The following CMTM2 variants were observed in gnomAD, a reference collection of about 807,000 sequenced individuals.
CMTM2 encodes the protein CKLF-like MARVEL transmembrane domain-containing protein 2.
Under a neutral mutation model 16.8 loss-of-function variants are expected in CMTM2, and 15 were observed. The observed-to-expected ratio is 0.89, with a 90% CI of 0.60 to 1.37. The LOEUF (loss-of-function observed/expected upper bound fraction) is 1.37, where lower values mean the gene tolerates loss of function less well. CMTM2 is among the 40% of genes most tolerant of loss of function. The probability of loss-of-function intolerance (pLI) is 0.00; values close to 1 mark genes in which losing one functional copy is unlikely to be tolerated. For synonymous variants in CMTM2, 117 were observed against 118.7 expected, an observed-to-expected ratio of 0.99 and a Z score of 0.09; for missense variants, 282 against 318.0, an observed-to-expected ratio of 0.89 and a Z score of 0.86.
At chr16:66,583,163 T>A (rs2014753965) in intron 2 of CMTM2, among the ~76,000 whole-genome samples, 1 of 152,138 alleles carries the variant, frequency 6.6e-6, no homozygotes, top group Admixed American at 6.5e-5. Flanking sequence ...AAAGCAGTAG[T>A]GTTCCTGAAT....
chr16:66,582,149 G>A (rs565025134), intron 2 of CMTM2, among the ~76,000 whole-genome samples: 1 of 152,250 alleles, frequency 6.6e-6, no homozygotes, highest in Non-Finnish European at 1.5e-5. Context: ...TATTTTAAGG[G>A]ATTATAGACA....
Position 66,588,229 on chromosome 16 carries a change from C to T in CMTM2, c.*110C>T, listed in dbSNP as rs1300965383. On this transcript the variant is annotated 3_prime_UTR_variant, in exon 4 of 4. Coordinates refer to ENST00000268595, the MANE Select transcript of CMTM2 (RefSeq NM_144673.3). ...TGGTTTTCTTTTCCATTTTCATTAC[C>T]ACCTTTGCTTGGAAAAGAATGGATT... 5.2e-5 allele frequency: 51 copies of T among 983,588 alleles called. No individual in the cohort carries two copies. In the East Asian group the frequency reaches 1.3e-3, roughly 24 times the overall value. The allele number at this position is 983,588 out of a possible 1,614,324, so 60.9% of individuals were successfully genotyped here.
intron 2 of CMTM2, among the ~76,000 whole-genome samples, chr16:66,585,089 G>C (rs1597191884): frequency 4.6e-5 from 7 of 152,108 alleles, no homozygotes; most frequent in African/African-American, 1.7e-4. Context: ...TGGGATTACA[G>C]GCATGCACCC....
At chr16:66,587,865 C>G (rs1350807292) in intron 3 of CMTM2, 54 bp from the exon 4 acceptor site, 1 of 1,580,498 alleles carries the variant, frequency 6.3e-7, no homozygotes, top group Non-Finnish European at 8.7e-7. Context: ...AGGAGGGAAA[C>G]TCACCACCTT....
At position 66,588,241 on chromosome 16, in the gene CMTM2, G is replaced by A. The variant is rs1289085047; in HGVS notation, c.*122G>A. 1.3e-5 allele frequency: 11 copies of A among 878,440 alleles called. No homozygotes were observed. Among genetic ancestry groups the A allele is most frequent in the Non-Finnish European group, 1.9e-5 (11 of 576,330 alleles). The allele number at this position is 878,440 out of a possible 1,614,324, so 54.4% of individuals were successfully genotyped here. The stretch of plus-strand genomic sequence containing the variant: ...CCATTTTCATTACCACCTTTGCTTG[G>A]AAAAGAATGGATTAATGGATTCTAA... On this transcript the variant is annotated 3_prime_UTR_variant, in exon 4 of 4. Transcript: ENST00000268595.
intron 2 of CMTM2, among the ~76,000 whole-genome samples, chr16:66,581,452 C>T (rs1434273180): frequency 2.6e-5 from 4 of 152,222 alleles, no homozygotes; most frequent in South Asian, 4.2e-4. Context: ...AACACACAGG[C>T]GCCAGAAATG....
chr16:66,579,896 A>C lies in CMTM2; in HGVS notation c.285+4A>C. ...TGAGATCAAGATTCGGAGTTTGGTGAGCTAAACTGGTATCCCTGGGTGGGG... is the reference window on the plus strand; with the variant it reads ...TGAGATCAAGATTCGGAGTTTGGTGCGCTAAACTGGTATCCCTGGGTGGGG... On this transcript the variant is annotated splice_donor_region_variant and intron_variant, in intron 1 of 3. Transcript: ENST00000268595. The surrounding 1 kb of genome is among the most constrained non-coding windows in gnomAD (Gnocchi z 6.5). 2 of 1,575,690 alleles carry C rather than the reference A, an allele frequency of 1.3e-6. No homozygotes were observed. Among genetic ancestry groups the C allele is most frequent in the Non-Finnish European group, 1.7e-6 (2 of 1,154,320 alleles).
At chr16:66,587,736 G>A (rs34776602) in intron 3 of CMTM2, among the ~76,000 whole-genome samples, 183 bp from the exon 4 acceptor site, 4,015 of 152,310 alleles carry the variant, frequency 0.026, 79 homozygotes, top group Middle Eastern at 0.071. Flanking sequence ...TGGCAGGACG[G>A]GGGAGTGGAG....
rs779194025 is a variant in CMTM2 at position 66,579,667 on chromosome 16, C to T, written c.60C>T (p.Pro20=). 6.2e-6 allele frequency: 10 copies of T among 1,613,570 alleles called. No individual in the cohort carries two copies. In the African/African-American group the frequency reaches 8.0e-5, roughly 13 times the overall value. The change falls in exon 1 of 4, where the codon CCC becomes CCT. Residue 20 remains proline, a synonymous_variant. Coordinates refer to ENST00000268595, the MANE Select transcript of CMTM2 (RefSeq NM_144673.3). This position sits in a 1 kb window ranked among gnomAD's most constrained non-coding sequence, Gnocchi z 6.5. ...KPEPAPAPPP[P]GAKPEEDKKD... ...AGCCAGCACCAGCTCCACCTCCACCCGGGGCCAAACCCGAGGAAGACAAGA... is the reference window on the plus strand; with the variant it reads ...AGCCAGCACCAGCTCCACCTCCACCTGGGGCCAAACCCGAGGAAGACAAGA...
Position 66,579,664 on chromosome 16 carries a change from A to T in CMTM2, c.57A>T (p.Pro19=). Residue 19 remains proline (P), a synonymous_variant, in exon 1 of 4, where the codon CCA becomes CCT. Coordinates refer to ENST00000268595, the MANE Select transcript of CMTM2 (RefSeq NM_144673.3). The surrounding 1 kb of genome is among the most constrained non-coding windows in gnomAD (Gnocchi z 6.5). ...AKPEPAPAPP[P]PGAKPEEDKK... ...CAGAGCCAGCACCAGCTCCACCTCC[A>T]CCCGGGGCCAAACCCGAGGAAGACA... 1 of 1,613,634 alleles carries T rather than the reference A, an allele frequency of 6.2e-7. No individual in the cohort carries two copies. The highest frequency in any genetic ancestry group is 8.5e-7 in the Non-Finnish European group (1 of 1,179,932).
chr16:66,580,642 G>A (rs190311516), intron 2 of CMTM2: 11 of 165,178 alleles, frequency 6.7e-5, no homozygotes, highest in East Asian at 1.8e-4. Context: ...CTAAAGCAGC[G>A]TTAGGTCTCC....
chr16:66,582,191 G>A (rs1221908244), intron 2 of CMTM2, among the ~76,000 whole-genome samples: 1 of 152,166 alleles, frequency 6.6e-6, no homozygotes, highest in East Asian at 1.9e-4. Context: ...AAGACACTAT[G>A]AGGACAAAAT....
At position 66,588,189 on chromosome 16, in the gene CMTM2, G is replaced by C; in HGVS notation, c.*70G>C. The stretch of plus-strand genomic sequence containing the variant: ...GCAATATGTTTCCACTCTCTTCCTT[G>C]TCTTCTTTCTGGAATGGTTTTCTTT... On this transcript the variant is annotated 3_prime_UTR_variant, in exon 4 of 4. Coordinates refer to ENST00000268595, the MANE Select transcript of CMTM2 (RefSeq NM_144673.3). 1 of 1,399,808 alleles carries C rather than the reference G, an allele frequency of 7.1e-7. No homozygotes were observed. Among genetic ancestry groups the C allele is most frequent in the Non-Finnish European group, 9.9e-7 (1 of 1,007,860 alleles). 86.7% of individuals were successfully genotyped at this position (1,399,808 alleles called of 1,614,324 possible).
intron 2 of CMTM2, 198 bp downstream of exon 2, chr16:66,580,382 G>T: frequency 1.7e-6 from 1 of 601,166 alleles, no homozygotes; most frequent in Non-Finnish European, 2.9e-6. Flanking sequence ...GCTCCAAAAA[G>T]CCTATCTGTG....
At chr16:66,581,771 T>C (rs577840404) in intron 2 of CMTM2, among the ~76,000 whole-genome samples, 94 of 152,278 alleles carry the variant, frequency 6.2e-4, no homozygotes, top group African/African-American at 2.2e-3. Flanking sequence ...CCTTGAGAAA[T>C]AGAAAGCTTA....
At chr16:66,587,456 C>G (rs201571284) in intron 3 of CMTM2, among the ~76,000 whole-genome samples, 1 of 152,060 alleles carries the variant, frequency 6.6e-6, no homozygotes, top group Non-Finnish European at 1.5e-5. Context: ...ACTTGGGAGG[C>G]TGAGGCAGGA....
chr16:66,586,891 G>A, intron 2 of CMTM2, 106 bp from the exon 3 acceptor site: 1 of 782,166 alleles, frequency 1.3e-6, no homozygotes, highest in East Asian at 2.5e-5. Flanking sequence ...TTTAAAATCA[G>A]GTGGAAATTT....
chr16:66,586,088 G>A (rs1567384710), intron 2 of CMTM2, among the ~76,000 whole-genome samples: 1 of 152,180 alleles, frequency 6.6e-6, no homozygotes. Flanking sequence ...CGAGACTGAA[G>A]TCACAGGGGA....
chr16:66,585,218 T>G (rs1264056883), intron 2 of CMTM2, among the ~76,000 whole-genome samples: 1 of 152,184 alleles, frequency 6.6e-6, no homozygotes, highest in African/African-American at 2.4e-5. Flanking sequence ...AGTGCTGGGA[T>G]TACAGGCGTG....
Sources: gnomAD v4.1 joint callset for allele counts (sites outside exome capture counted in the v4.1 genomes callset) on GRCh38, gnomAD v4.1.1 for gene constraint, Gnocchi (gnomAD v3.1) non-coding constraint, MANE v1.5 for transcripts, NCBI Gene and HGNC (gene_info 2026-07-23, HGNC 2026-07-21) for gene names.